The following TRIM38 variants were observed in gnomAD, a reference collection of about 807,000 sequenced individuals.
TRIM38 encodes tripartite motif containing 38.
In TRIM38, 35 loss-of-function variants were observed where a neutral mutation model predicts 35.8. That is an observed-to-expected ratio of 0.98 (90% CI 0.75 to 1.30). TRIM38 has a LOEUF of 1.30. Among genes scored for constraint, TRIM38 ranks in the 50% most tolerant of loss-of-function variants. TRIM38 has a pLI of 0.00. For synonymous variants in TRIM38, 198 were observed against 204.7 expected (o/e 0.97, Z 0.28); for missense variants, 545 against 556.9 (o/e 0.98, Z 0.21).
rs767706824 is a variant in TRIM38 at position 25,966,787 on chromosome 6, CA to C, written c.267del (p.Glu90LysfsTer55). ...CATTGAAGCCCTCAAAGAGACGGAT[CA>C]AGAAATGTCATGTGAGGAACACGGA... ...SLIEALKETD[Q>X]EMSCEEHGEQ... is the part of the protein sequence containing the mutation. On this transcript the variant is annotated frameshift_variant, in exon 3 of 8. Transcript: ENST00000357085. LOFTEE classifies it high-confidence loss of function. 3.7e-6 allele frequency: 6 copies of C among 1,614,212 alleles called. No individual in the cohort carries two copies. In the East Asian group the frequency reaches 1.3e-4, roughly 36 times the overall value.
In TRIM38 at chr6:25,983,383, T is replaced by C. The variant is rs1474612606; in HGVS notation, c.1094T>C (p.Met365Thr). The change falls in exon 8 of 8, where the codon ATG becomes ACG. Residue 365 changes from methionine (M) to threonine (T), a missense_variant. By Grantham distance (81) the Met-to-Thr change is moderately conservative. Transcript: ENST00000357085. ...EGTGWDLGVC[M>T]ENVQRGTGMK... ...ACCGGATGGGATTTAGGAGTTTGTA[T>C]GGAAAATGTGCAGAGGGGCACTGGC... 6.2e-7 allele frequency: 1 copy of C among 1,613,956 alleles called. No individual in the cohort carries two copies.
chr6:25,988,496 C>CTTTTTTTCTTTTTTTTT lies in TRIM38; in HGVS notation c.*4816_*4817insCTTTTTTTTTTTTTTTT, dbSNP rs1554143886. 1.6e-5 allele frequency: 1 copy of CTTTTTTTCTTTTTTTTT among 63,054 alleles called. No homozygotes were observed. The highest frequency in any genetic ancestry group is 7.0e-5 in the African/African-American group (1 of 14,186). The allele number at this position is 63,054 out of a possible 1,614,324, so 3.9% of individuals were successfully genotyped here. A position where few individuals can be genotyped will look rare whatever the true frequency, so the allele number is the denominator to read the frequency against. On this transcript the variant is annotated 3_prime_UTR_variant, in exon 8 of 8. Coordinates refer to ENST00000357085, the MANE Select transcript of TRIM38 (RefSeq NM_006355.5). ...TTTCTTTTTCTTTTTTCTTTTCTTT[C>CTTTTTTTCTTTTTTTTT]TTTTTTTTTTTTTTTTTGAGACAGA...
At chr6:25,976,334 C>T (rs983721380) in intron 7 of TRIM38, among the ~76,000 whole-genome samples, 1 of 152,234 alleles carries the variant, frequency 6.6e-6, no homozygotes, top group East Asian at 1.9e-4. Context: ...ATGGCCCCAT[C>T]ATGGCTCCCT....
rs762006709 is a variant in TRIM38 at position 25,985,889 on chromosome 6, A to G, written c.*2202A>G. The G allele has an allele frequency of 6.6e-6, 1 of 152,232 alleles. No homozygotes were observed. Among genetic ancestry groups the G allele is most frequent in the Non-Finnish European group, 1.5e-5 (1 of 68,054 alleles). 9.4% of individuals were successfully genotyped at this position (152,232 alleles called of 1,614,324 possible). ...CACTTAGATTGCTGAATAAGAAAGA[A>G]TGATAATAAAATAAACAATTAAATA... On this transcript the variant is annotated 3_prime_UTR_variant, in exon 8 of 8. Coordinates refer to ENST00000357085, the MANE Select transcript of TRIM38 (RefSeq NM_006355.5).
chr6:25,967,120 A>G (rs62394538), intron 3 of TRIM38, among the ~76,000 whole-genome samples, 187 bp downstream of exon 3: 5,503 of 152,294 alleles, frequency 0.036, 161 homozygotes, highest in Non-Finnish European at 0.06. Context: ...CTGACCTTCA[A>G]TGGGATGGTT....
Position 25,988,496 on chromosome 6 carries a change from C to CTTTCTTTTTTTTTTTTT in TRIM38, c.*4812_*4813insCTTTTTTTTTTTTTTTT, listed in dbSNP as rs1554143882. ...TTTCTTTTTCTTTTTTCTTTTCTTT[C>CTTTCTTTTTTTTTTTTT]TTTTTTTTTTTTTTTTTGAGACAGA... On this transcript the variant is annotated 3_prime_UTR_variant, in exon 8 of 8. Transcript: ENST00000357085. 9.5e-5 allele frequency: 6 copies of CTTTCTTTTTTTTTTTTT among 63,056 alleles called. No individual in the cohort carries two copies. Among genetic ancestry groups the CTTTCTTTTTTTTTTTTT allele is most frequent in the Non-Finnish European group, 1.6e-4 (6 of 37,382 alleles). The allele number at this position is 63,056 out of a possible 1,614,324, so 3.9% of individuals were successfully genotyped here.
At chr6:25,975,402 A>G (rs565245036) in intron 7 of TRIM38, 18 of 183,108 alleles carry the variant, frequency 9.8e-5, no homozygotes, top group Admixed American at 2.0e-4. Flanking sequence ...GGGTTTCACA[A>G]TGTTGGCCAG....
chr6:25,971,875 G>T lies in TRIM38; in HGVS notation c.514G>T (p.Val172Leu). ...AMRITKWKEK[V>L]QIQRQKIRSD... Reference sequence around the variant, plus strand: ...CATACTTTCTTGACTCCAGGAGAAGGTACAGATTCAGAGACAAAAAATCCG... The same window carrying T: ...CATACTTTCTTGACTCCAGGAGAAGTTACAGATTCAGAGACAAAAAATCCG... Residue 172 changes from valine (V) to leucine (L), a missense_variant, in exon 5 of 8, where the codon GTA becomes TTA. Transcript: ENST00000357085. 7 of 1,613,950 alleles carry T rather than the reference G, an allele frequency of 4.3e-6. No individual in the cohort carries two copies. Among genetic ancestry groups the T allele is most frequent in the Non-Finnish European group, 4.2e-6 (5 of 1,179,844 alleles).
rs530886863 is a variant in TRIM38, at chr6:25,966,423, A to T, written c.-100A>T. On this transcript the variant is annotated 5_prime_UTR_variant, in exon 3 of 8. Transcript: ENST00000357085. ...GGAAGTCAGTTGCAGCCAGCTCATC[A>T]CATAGAGGTGCAGGTGAGGTGTATT... 2.9e-4 allele frequency: 366 copies of T among 1,274,436 alleles called. No individual in the cohort carries two copies. Among genetic ancestry groups the T allele is most frequent in the Non-Finnish European group, 3.6e-4 (344 of 946,800 alleles). 78.9% of individuals were successfully genotyped at this position (1,274,436 alleles called of 1,614,324 possible).
Position 25,966,469 on chromosome 6 carries a change from T to C in TRIM38, c.-54T>C. The C allele has an allele frequency of 2.0e-6, 3 of 1,516,470 alleles. No individual in the cohort carries two copies. Among genetic ancestry groups the C allele is most frequent in the Non-Finnish European group, 2.6e-6 (3 of 1,136,334 alleles). The allele number at this position is 1,516,470 out of a possible 1,614,324, so 93.9% of individuals were successfully genotyped here. On this transcript the variant is annotated 5_prime_UTR_variant, in exon 3 of 8. Coordinates refer to ENST00000357085, the MANE Select transcript of TRIM38 (RefSeq NM_006355.5). ...GTATTTTCATCACGGTGGAAAATTC[T>C]GGCTGCTTCATCTCCATCTCTAGAG...
In TRIM38 at chr6:25,985,006, C is replaced by T. The variant is rs893108892; in HGVS notation, c.*1319C>T. The T allele has an allele frequency of 3.9e-5, 6 of 152,250 alleles. No individual in the cohort carries two copies. Among genetic ancestry groups the T allele is most frequent in the African/African-American group, 2.4e-5 (1 of 41,412 alleles). The allele number at this position is 152,250 out of a possible 1,614,324, so 9.4% of individuals were successfully genotyped here. A position where few individuals can be genotyped will look rare whatever the true frequency, so the allele number is the denominator to read the frequency against. On this transcript the variant is annotated 3_prime_UTR_variant, in exon 8 of 8. Coordinates refer to ENST00000357085, the MANE Select transcript of TRIM38 (RefSeq NM_006355.5). ...AAGAGTTCAAACTATTGCCCATGTT[C>T]CCCAGGGTCAGAAGTTCTAATTATG...
rs1232047160 is a variant in TRIM38 at position 25,967,695 on chromosome 6, C to A, written c.411+762C>A. 2.6e-5 allele frequency among the ~76,000 whole-genome samples: 4 copies of A among 151,774 alleles called. No homozygotes were observed. In the East Asian group the frequency reaches 7.7e-4, roughly 29 times the overall value. ...AGGACTACAGGGATGCCCCACCATA[C>A]CTGGATAATTTTTTTATTTTTTGTA... On this transcript the variant is annotated intron_variant, in intron 3 of 7. Coordinates refer to ENST00000357085, the MANE Select transcript of TRIM38 (RefSeq NM_006355.5).
intron 7 of TRIM38, chr6:25,975,547 G>A (rs1377530053): frequency 4.5e-6 from 4 of 894,080 alleles, no homozygotes; most frequent in Admixed American, 1.2e-4. Context: ...ATTTTTAAAT[G>A]TATGTTTATT....
At position 25,966,751 on chromosome 6, in the gene TRIM38, C is replaced by A; in HGVS notation, c.229C>A (p.Leu77Met). The A allele has an allele frequency of 6.2e-7, 1 of 1,614,214 alleles. No individual in the cohort carries two copies. The highest frequency in any genetic ancestry group is 8.5e-7 in the Non-Finnish European group (1 of 1,180,040). Residue 77 changes from leucine to methionine, a missense_variant, in exon 3 of 8, where the codon CTG (leucine) becomes ATG (methionine). Coordinates refer to ENST00000357085, the MANE Select transcript of TRIM38 (RefSeq NM_006355.5). Reference sequence around the variant, plus strand: ...GGATAGCCTCCGACCCAACAAGCAGCTGGGAAGCCTCATTGAAGCCCTCAA... The same window carrying A: ...GGATAGCCTCCGACCCAACAAGCAGATGGGAAGCCTCATTGAAGCCCTCAA... ...HMDSLRPNKQ[L>M]GSLIEALKET...
chr6:25,969,496 C>G (rs1361066814), intron 4 of TRIM38, 76 bp downstream of exon 4: 1 of 1,228,704 alleles, frequency 8.1e-7, no homozygotes, highest in Non-Finnish European at 1.1e-6. Context: ...TGAGGAAAAG[C>G]ACAATGAGGA....
intron 5 of TRIM38, 56 bp from the exon 6 acceptor site, chr6:25,972,998 A>C: frequency 6.2e-7 from 1 of 1,611,158 alleles, no homozygotes; most frequent in Non-Finnish European, 8.5e-7. Flanking sequence ...CTGCATGACA[A>C]GCCCCATGAA....
chr6:25,966,801 T>C lies in TRIM38; in HGVS notation c.279T>C (p.Cys93=). Residue 93 remains cysteine (C), a synonymous_variant, in exon 3 of 8, where the codon TGT becomes TGC. Coordinates refer to ENST00000357085, the MANE Select transcript of TRIM38 (RefSeq NM_006355.5). ...AAGAGACGGATCAAGAAATGTCATG[T>C]GAGGAACACGGAGAGCAGTTCCACC... ...ALKETDQEMS[C]EEHGEQFHLF... 6.2e-7 allele frequency: 1 copy of C among 1,614,194 alleles called. No homozygotes were observed. Among genetic ancestry groups the C allele is most frequent in the Non-Finnish European group, 8.5e-7 (1 of 1,180,032 alleles).
Position 25,983,662 on chromosome 6 carries a change from T to G in TRIM38, c.1373T>G (p.Leu458Trp), listed in dbSNP as rs748066935. ...TTCCAGGTTTATCAATATTCTCCTT[T>G]GTTTCTGCCTCCCCCAGGTGACTAA... The part of the protein sequence containing the change: ...PYFQVYQYSP[L>W]FLPPPGD Residue 458 changes from leucine (L) to tryptophan (W), a missense_variant, in exon 8 of 8, where the codon TTG becomes TGG. Physicochemically the swap from Leu to Trp is moderately conservative, Grantham distance 61. Transcript: ENST00000357085. 6.3e-7 allele frequency: 1 copy of G among 1,599,874 alleles called. No individual in the cohort carries two copies. Among genetic ancestry groups the G allele is most frequent in the Non-Finnish European group, 8.5e-7 (1 of 1,173,494 alleles).
rs1016958910 is a variant in TRIM38, at chr6:25,966,578, G to T, written c.56G>T (p.Cys19Phe). Residue 19 changes from cysteine to phenylalanine, a missense_variant, in exon 3 of 8, where the codon TGC becomes TTC. Cys to Phe is a radical substitution (Grantham distance 205). Coordinates refer to ENST00000357085, the MANE Select transcript of TRIM38 (RefSeq NM_006355.5). ...KMMEEATCSICLSLMTNPVSI... is the reference protein window; with the variant it reads ...KMMEEATCSIFLSLMTNPVSI... Reference sequence around the variant, plus strand: ...ATGGAGGAAGCCACCTGCTCCATCTGCCTGAGCCTGATGACGAACCCAGTA... The same window carrying T: ...ATGGAGGAAGCCACCTGCTCCATCTTCCTGAGCCTGATGACGAACCCAGTA... 7 of 1,614,052 alleles carry T rather than the reference G, an allele frequency of 4.3e-6. No homozygotes were observed. Among genetic ancestry groups the T allele is most frequent in the Non-Finnish European group, 5.9e-6 (7 of 1,180,006 alleles).
Sources: allele counts gnomAD v4.1 joint callset (sites outside exome capture counted in the v4.1 genomes callset), GRCh38; gene constraint gnomAD v4.1.1; transcripts MANE v1.5; gene names NCBI Gene and HGNC (gene_info 2026-07-23, HGNC 2026-07-21).